The following ELP2 variants were observed in gnomAD, a reference collection of about 807,000 sequenced individuals.
The protein encoded by ELP2 is elongator complex protein 2.
A neutral mutation model predicts 119.2 loss-of-function variants in ELP2; 90 were observed. The ratio of observed to expected loss-of-function variants is 0.75; its 90% confidence interval spans 0.64 to 0.90. The LOEUF (loss-of-function observed/expected upper bound fraction) is 0.90. Among genes scored for constraint, ELP2 ranks in the 40% least tolerant of loss-of-function variants. The probability of loss-of-function intolerance (pLI) is 0.00; values close to 1 mark genes in which losing one functional copy is unlikely to be tolerated. For synonymous variants in ELP2, 339 were observed against 331.0 expected (o/e 1.02, Z -0.26); for missense variants, 921 against 967.8 (o/e 0.95, Z 0.64).
In ELP2 at chr18:36,138,850, A is replaced by T; in HGVS notation, c.501A>T (p.Leu167Phe). 1 of 1,613,958 alleles carries T rather than the reference A, an allele frequency of 6.2e-7. No individual in the cohort carries two copies. Among genetic ancestry groups the T allele is most frequent in the Non-Finnish European group, 8.5e-7 (1 of 1,179,920 alleles). ...FGNGFALALC[L>F]SFLPNTDVPI... ...ATGGATTTGCTTTGGCTCTCTGCTT[A>T]TCTTTTTTGCCAAATACTGATGGTG... The change falls in exon 5 of 22, where the codon TTA (leucine) becomes TTT (phenylalanine). Residue 167 changes from leucine (L) to phenylalanine (F), a missense_variant. By Grantham distance (22) the Leu-to-Phe change is conservative. Coordinates refer to ENST00000358232, the MANE Select transcript of ELP2 (RefSeq NM_018255.4).
At chr18:36,158,597 A>C in intron 13 of ELP2, 1 of 434,772 alleles carries the variant, frequency 2.3e-6, no homozygotes, top group Non-Finnish European at 4.2e-6. Context: ...TATGGATTGC[A>C]TGGGAGTTGG....
rs1163857076 is a variant in ELP2 at position 36,133,315 on chromosome 18, C to G, written c.216C>G (p.Gly72=). ...TACAGTGGATTTGTAAACAGGATGG[C>G]TGTAAGTATTAACCAGATTTTAAAG... ...NCIQWICKQD[G]SPSTELVSGG... The change falls in exon 2 of 22, where the codon GGC becomes GGG. Residue 72 remains glycine, a splice_region_variant and synonymous_variant. Transcript: ENST00000358232. 1 of 1,609,574 alleles carries G rather than the reference C, an allele frequency of 6.2e-7. No homozygotes were observed. The highest frequency in any genetic ancestry group is 8.5e-7 in the Non-Finnish European group (1 of 1,175,856).
At chr18:36,156,704 A>G (rs1182162885) in intron 13 of ELP2, 50 bp downstream of exon 13, 4 of 1,538,864 alleles carry the variant, frequency 2.6e-6, no homozygotes, top group Non-Finnish European at 3.6e-6. Context: ...TTCATTTTAA[A>G]TTTAAAAGGA....
intron 12 of ELP2, 84 bp from the exon 13 acceptor site, chr18:36,156,382 A>G (rs2090572405): frequency 7.8e-7 from 1 of 1,277,398 alleles, no homozygotes; most frequent in Non-Finnish European, 1.1e-6. Context: ...TTTCCATTGT[A>G]TAGTAAATAA....
chr18:36,160,265 A>G (rs1772327226), intron 16 of ELP2, among the ~76,000 whole-genome samples: 1 of 152,132 alleles, frequency 6.6e-6, no homozygotes, highest in African/African-American at 2.4e-5. Context: ...GCATAACAAT[A>G]TATATTTTTT....
In ELP2 at chr18:36,136,387, C is replaced by G. The variant is rs772442325; in HGVS notation, c.288+10C>G. ...AATAGAGGATAATCAGGTGAGTGGA[C>G]ATGTTTATAATCAAGAAATGACTTT... On this transcript the variant is annotated intron_variant, in intron 3 of 21. Transcript: ENST00000358232. 6.3e-7 allele frequency: 1 copy of G among 1,592,122 alleles called. No homozygotes were observed.
At chr18:36,159,594 G>A (rs1238422356) in intron 14 of ELP2, 141 bp from the exon 15 acceptor site, 5 of 709,788 alleles carry the variant, frequency 7.0e-6, no homozygotes, top group Non-Finnish European at 1.3e-5. Flanking sequence ...AAATACTCTT[G>A]CCTTTGGAAT....
In ELP2 at chr18:36,144,821, A is replaced by G. The variant is rs2090146593; in HGVS notation, c.797-118A>G. On this transcript the variant is annotated intron_variant, in intron 8 of 21. Coordinates refer to ENST00000358232, the MANE Select transcript of ELP2 (RefSeq NM_018255.4). Reference sequence around the variant, plus strand: ...ATGCATGTTCTTTTTTTGAATCCCAACTATCATATTTTGTCCTAATTTTTT... The same window carrying G: ...ATGCATGTTCTTTTTTTGAATCCCAGCTATCATATTTTGTCCTAATTTTTT... The G allele has an allele frequency of 5.2e-6, 4 of 775,426 alleles. No individual in the cohort carries two copies. In the South Asian group the frequency reaches 6.2e-5, roughly 12 times the overall value. 48.0% of individuals were successfully genotyped at this position (775,426 alleles called of 1,614,324 possible).
At chr18:36,174,245 A>G (rs946438430) in intron 21 of ELP2, among the ~76,000 whole-genome samples, 1 of 152,154 alleles carries the variant, frequency 6.6e-6, no homozygotes, top group Non-Finnish European at 1.5e-5. Flanking sequence ...CATTTGACAG[A>G]GATTCATTGT....
rs754975000 is a variant in ELP2 at position 36,164,520 on chromosome 18, T to G, written c.1807T>G (p.Ser603Ala). 3 of 1,613,984 alleles carry G rather than the reference T, an allele frequency of 1.9e-6. No individual in the cohort carries two copies. The African/African-American group carries it at 4.0e-5, about 22-fold the overall frequency. Residue 603 changes from serine (S) to alanine (A), a missense_variant, in exon 18 of 22, where the codon TCT becomes GCT. Coordinates refer to ENST00000358232, the MANE Select transcript of ELP2 (RefSeq NM_018255.4). The part of the protein sequence containing the change: ...HAAIILWNTT[S>A]WKQVQNLVFH... ...AGCTATCATTCTTTGGAACACTACA[T>G]CTTGGAAACAGGTGCAGAATTTAGT... is the stretch of plus-strand genomic sequence containing the variant.
intron 1 of ELP2, among the ~76,000 whole-genome samples, chr18:36,132,817 C>CT (rs61181594): frequency 0.014 from 2,097 of 145,694 alleles, 40 homozygotes; most frequent in African/African-American, 0.039. Context: ...TATTGGAGGG[C>CT]TTTTTTTTTT....
intron 17 of ELP2, among the ~76,000 whole-genome samples, chr18:36,162,752 T>C (rs1471580659): frequency 6.6e-6 from 1 of 152,220 alleles, no homozygotes; most frequent in Non-Finnish European, 1.5e-5. Context: ...TTAACCGTTC[T>C]AGTAAGTGTG....
intron 16 of ELP2, 136 bp downstream of exon 16, chr18:36,160,151 G>A (rs1032375061): frequency 1.7e-5 from 13 of 754,076 alleles, no homozygotes; most frequent in Non-Finnish European, 3.1e-5. Context: ...ATCTCTTAGT[G>A]GCTCTTCATA....
chr18:36,147,799 A>G (rs930579283), intron 11 of ELP2, among the ~76,000 whole-genome samples: 1 of 152,172 alleles, frequency 6.6e-6, no homozygotes, highest in Non-Finnish European at 1.5e-5. Context: ...CACATACTGG[A>G]TGCTATGTAA....
At chr18:36,136,659 A>C (rs768726344) in intron 3 of ELP2, 2 of 358,218 alleles carry the variant, frequency 5.6e-6, no homozygotes. Context: ...TTCTTCAACT[A>C]TGTTGTTCTT....
chr18:36,173,596 C>G (rs1053179728), intron 21 of ELP2, among the ~76,000 whole-genome samples: 2 of 152,166 alleles, frequency 1.3e-5, no homozygotes, highest in Non-Finnish European at 2.9e-5. Flanking sequence ...TGTAAGGGCA[C>G]GCAGTCATCT....
rs1234211279 is a variant in ELP2 at position 36,180,426 on chromosome 18, A to G, written c.*5785A>G. On this transcript the variant is annotated 3_prime_UTR_variant, in exon 22 of 22. Transcript: ENST00000358232. The stretch of plus-strand genomic sequence containing the variant: ...GGGAGAACAACAGTAACCAGTGTGT[A>G]GGATTGTTCTGAGAATTAAATGAGC... The G allele has an allele frequency of 1.3e-5, 2 of 152,208 alleles. No homozygotes were observed. Among genetic ancestry groups the G allele is most frequent in the African/African-American group, 4.8e-5 (2 of 41,440 alleles). The allele number at this position is 152,208 out of a possible 1,614,324, so 9.4% of individuals were successfully genotyped here. A position where few individuals can be genotyped will look rare whatever the true frequency, so the allele number is the denominator to read the frequency against.
intron 3 of ELP2, chr18:36,137,340 C>T (rs2089863252): frequency 6.6e-6 from 1 of 152,102 alleles, no homozygotes; most frequent in Admixed American, 6.5e-5. Flanking sequence ...CTGCACCTGG[C>T]TTAAGTGTTT....
At chr18:36,146,968 G>A (rs2090227114) in intron 11 of ELP2, among the ~76,000 whole-genome samples, 1 of 152,064 alleles carries the variant, frequency 6.6e-6, no homozygotes, top group East Asian at 1.9e-4. Flanking sequence ...GAACGGAGTG[G>A]CCAAGAGCAC....
Sources: gnomAD v4.1 joint callset for allele counts (sites outside exome capture counted in the v4.1 genomes callset) on GRCh38, gnomAD v4.1.1 for gene constraint, MANE v1.5 for transcripts, NCBI Gene and HGNC (gene_info 2026-07-23, HGNC 2026-07-21) for gene names.